PRSS16: variants seen among roughly 807,000 people sequenced by gnomAD.
PRSS16 encodes thymus-specific serine protease.
Under a neutral mutation model 61.7 loss-of-function variants are expected in PRSS16, and 43 were observed. The ratio of observed to expected loss-of-function variants is 0.70; its 90% CI spans 0.55 to 0.90. The LOEUF is 0.90. PRSS16 is among the 40% of genes least tolerant of loss of function. The pLI is 0.00. For synonymous variants in PRSS16, 273 were observed against 285.2 expected (o/e 0.96, Z 0.43); for missense variants, 591 against 659.1 (o/e 0.90, Z 1.13).
At position 27,251,083 on chromosome 6, in the gene PRSS16, G is replaced by C. The variant is rs761940273; in HGVS notation, c.633G>C (p.Pro211=). The C allele has an allele frequency of 6.2e-6, 10 of 1,613,950 alleles. No homozygotes were observed. Among genetic ancestry groups the C allele is most frequent in the South Asian group, 1.1e-5 (1 of 91,090 alleles). ...TCGCGTCGGTCGCCTCCTCCGCCCC[G>C]GTGCGGGCCGTGCTGGATTTCTCCG... ...LIFASVASSA[P]VRAVLDFSEY... The change falls in exon 6 of 12, where the codon CCG becomes CCC. Residue 211 remains proline (P), a synonymous_variant. Coordinates refer to ENST00000230582, the MANE Select transcript of PRSS16 (RefSeq NM_005865.4). The surrounding 1 kb of genome is among the most constrained non-coding windows in gnomAD (Gnocchi z 5.6).
At position 27,255,412 on chromosome 6, in the gene PRSS16, C is replaced by A; in HGVS notation, c.*97C>A. 1 of 1,292,284 alleles carries A rather than the reference C, an allele frequency of 7.7e-7. No homozygotes were observed. Among genetic ancestry groups the A allele is most frequent in the South Asian group, 1.4e-5 (1 of 72,570 alleles). The allele number at this position is 1,292,284 out of a possible 1,614,324, so 80.1% of individuals were successfully genotyped here. A position where few individuals can be genotyped will look rare whatever the true frequency, so the allele number is the denominator to read the frequency against. ...GCAGCTTGTTTTGAAAGAAGAAACTCCCAGGAATTGGAATTCAGCACCTGT... is the reference window on the plus strand; with the variant it reads ...GCAGCTTGTTTTGAAAGAAGAAACTACCAGGAATTGGAATTCAGCACCTGT... On this transcript the variant is annotated 3_prime_UTR_variant, in exon 12 of 12. Coordinates refer to ENST00000230582, the MANE Select transcript of PRSS16 (RefSeq NM_005865.4). This position sits in a 1 kb window ranked among gnomAD's most constrained non-coding sequence, Gnocchi z 4.4.
rs755382799 is a variant in PRSS16 at position 27,247,720 on chromosome 6, A to C, written c.-18A>C. On this transcript the variant is annotated 5_prime_UTR_variant, in exon 1 of 12. Coordinates refer to ENST00000230582, the MANE Select transcript of PRSS16 (RefSeq NM_005865.4). ...TAAGATAAAGGTCCTCCTGGGGGAG[A>C]ACAGAGTCCCGAACACCATGGCCGT... 1.2e-5 allele frequency: 18 copies of C among 1,557,140 alleles called. No individual in the cohort carries two copies. In the South Asian group the frequency reaches 1.5e-4, roughly 13 times the overall value.
At position 27,251,618 on chromosome 6, in the gene PRSS16, C is replaced by CGGGGGCCTGGGT; in HGVS notation, c.718-132_718-131insGGGGGCCTGGGT. 1.9e-6 allele frequency: 2 copies of CGGGGGCCTGGGT among 1,025,824 alleles called. No individual in the cohort carries two copies. The highest frequency in any genetic ancestry group is 2.7e-6 in the Non-Finnish European group (2 of 742,330). 63.5% of individuals were successfully genotyped at this position (1,025,824 alleles called of 1,614,324 possible). On this transcript the variant is annotated intron_variant, in intron 7 of 11. Transcript: ENST00000230582. This position sits in a 1 kb window ranked among gnomAD's most constrained non-coding sequence, Gnocchi z 5.6. ...GGGGGCCTGGGGGCGGGGGCCTGGG[C>CGGGGGCCTGGGT]CAAGAGCTAGGTCTGCACCCTCTGA...
At chr6:27,250,833 G>C (rs776643284) in intron 5 of PRSS16, 27 bp downstream of exon 5, 4 of 1,590,116 alleles carry the variant, frequency 2.5e-6, no homozygotes, top group East Asian at 2.2e-5. Context: ...GGGTGGGCTG[G>C]GGGGAGGGAA....
chr6:27,254,994 G>T lies in PRSS16; in HGVS notation c.1339G>T (p.Asp447Tyr), dbSNP rs1018891407. The T allele has an allele frequency of 9.3e-6, 15 of 1,613,048 alleles. No individual in the cohort carries two copies. Among genetic ancestry groups the T allele is most frequent in the Non-Finnish European group, 1.2e-5 (14 of 1,179,194 alleles). Residue 447 changes from aspartate (D) to tyrosine (Y), a missense_variant, in exon 11 of 12, where the codon GAC becomes TAC. Coordinates refer to ENST00000230582, the MANE Select transcript of PRSS16 (RefSeq NM_005865.4). ...CTATCCTTTCTTTCCAGGGGACACA[G>T]ACCCCTGGCATGTGCTAAGTGTAAC... ...NKVLFVNGDT[D>Y]PWHVLSVTQA... is the part of the protein sequence containing the mutation.
At position 27,252,395 on chromosome 6, in the gene PRSS16, C is replaced by T. The variant is rs931158889; in HGVS notation, c.1008+355C>T. 23 of 375,854 alleles carry T rather than the reference C, an allele frequency of 6.1e-5. No individual in the cohort carries two copies. The highest frequency in any genetic ancestry group is 4.4e-4 in the African/African-American group (21 of 48,236). 23.3% of individuals were successfully genotyped at this position (375,854 alleles called of 1,614,324 possible). ...AAATGTTATCTCTGGGGATAGGGTTCTCCTAGGTACCTGGGACTGCAGCCT... is the reference window on the plus strand; with the variant it reads ...AAATGTTATCTCTGGGGATAGGGTTTTCCTAGGTACCTGGGACTGCAGCCT... On this transcript the variant is annotated intron_variant, in intron 8 of 11. Transcript: ENST00000230582. This position sits in a 1 kb window ranked among gnomAD's most constrained non-coding sequence, Gnocchi z 4.2.
At chr6:27,248,261 T>C (rs1049758088) in intron 2 of PRSS16, among the ~76,000 whole-genome samples, 1 of 151,986 alleles carries the variant, frequency 6.6e-6, no homozygotes, top group Non-Finnish European at 1.5e-5. Flanking sequence ...CCACTCGTTT[T>C]GTCCCTCAGA....
rs540337934 is a variant in PRSS16 at position 27,250,374 on chromosome 6, C to T, written c.468-309C>T. ...CCTCCTTGAGTGCCCTCAACCCTTCCCTACATTTGTCAGGTTTTCATCTAA... is the reference window on the plus strand; with the variant it reads ...CCTCCTTGAGTGCCCTCAACCCTTCTCTACATTTGTCAGGTTTTCATCTAA... On this transcript the variant is annotated intron_variant, in intron 4 of 11. Coordinates refer to ENST00000230582, the MANE Select transcript of PRSS16 (RefSeq NM_005865.4). 2.6e-5 allele frequency among the ~76,000 whole-genome samples: 4 copies of T among 152,296 alleles called. No homozygotes were observed. The South Asian group carries it at 8.3e-4, about 32-fold the overall frequency.
chr6:27,249,318 G>A, intron 4 of PRSS16, 89 bp downstream of exon 4: 1 of 1,469,090 alleles, frequency 6.8e-7, no homozygotes, highest in Non-Finnish European at 9.2e-7. Context: ...CTCCTCCACT[G>A]TCTGAAGTCA....
Position 27,255,126 on chromosome 6 carries a change from C to A in PRSS16, c.1471C>A (p.Arg491Ser). 6.2e-7 allele frequency: 1 copy of A among 1,614,128 alleles called. No individual in the cohort carries two copies. The highest frequency in any genetic ancestry group is 8.5e-7 in the Non-Finnish European group (1 of 1,180,006). ...AGACTCCCCCAGCCTCCGCCTAGGG[C>A]GCCAGGTAAGAGAAAAAAGGCTCTG... ...PSDSPSLRLGRQNIFQQLQTW... is the reference protein window; with the variant it reads ...PSDSPSLRLGSQNIFQQLQTW... Residue 491 changes from arginine (R) to serine (S), a missense_variant, in exon 11 of 12, where the codon CGC (arginine) becomes AGC (serine). Physicochemically the swap from Arg to Ser is moderately radical, Grantham distance 110. Coordinates refer to ENST00000230582, the MANE Select transcript of PRSS16 (RefSeq NM_005865.4). The surrounding 1 kb of genome is among the most constrained non-coding windows in gnomAD (Gnocchi z 4.4).
Position 27,247,796 on chromosome 6 carries a change from T to C in PRSS16, c.59T>C (p.Leu20Pro), listed in dbSNP as rs750569506. The change falls in exon 1 of 12, where the codon CTC becomes CCC. Residue 20 changes from leucine to proline, a missense_variant. By Grantham distance (98) the Leu-to-Pro change is moderately conservative (BLOSUM62 -3). Transcript: ENST00000230582. ...GPLLLVSLWGLLAPASLLRRL... is the reference protein window; with the variant it reads ...GPLLLVSLWGPLAPASLLRRL... ...CTGCTCTTGGTTTCCCTCTGGGGAC[T>C]CTTGGCTCCAGGTAAGAGGAGGCTG... 8.1e-6 allele frequency: 13 copies of C among 1,610,710 alleles called. No individual in the cohort carries two copies. In the African/African-American group the frequency reaches 9.4e-5, roughly 12 times the overall value.
In PRSS16 at chr6:27,251,710, A is replaced by C; in HGVS notation, c.718-40A>C. On this transcript the variant is annotated intron_variant, in intron 7 of 11. Coordinates refer to ENST00000230582, the MANE Select transcript of PRSS16 (RefSeq NM_005865.4). The surrounding 1 kb of genome is among the most constrained non-coding windows in gnomAD (Gnocchi z 5.6). ...TCCTGGGTAGGGAAAGCCGAGGCCCAGCCTAAGTCTTGGCGGACATCGCCT... is the reference window on the plus strand; with the variant it reads ...TCCTGGGTAGGGAAAGCCGAGGCCCCGCCTAAGTCTTGGCGGACATCGCCT... 2 of 1,558,628 alleles carry C rather than the reference A, an allele frequency of 1.3e-6. No homozygotes were observed. Among genetic ancestry groups the C allele is most frequent in the Non-Finnish European group, 1.7e-6 (2 of 1,163,852 alleles).
Position 27,248,836 on chromosome 6 carries a change from C to T in PRSS16, c.238-11C>T. 1 of 1,570,362 alleles carries T rather than the reference C, an allele frequency of 6.4e-7. No homozygotes were observed. Among genetic ancestry groups the T allele is most frequent in the Non-Finnish European group, 8.7e-7 (1 of 1,150,550 alleles). On this transcript the variant is annotated splice_polypyrimidine_tract_variant and intron_variant, in intron 2 of 11. Transcript: ENST00000230582. ...ACAGTGCCATTTCTTCTTCCCCATC[C>T]CACCTCTCAGCGTTACTGGGTGAAT...
chr6:27,255,049 T>C lies in PRSS16; in HGVS notation c.1394T>C (p.Leu465Pro). 1 of 1,614,082 alleles carries C rather than the reference T, an allele frequency of 6.2e-7. No individual in the cohort carries two copies. ...TQALGSSEST[L>P]LIRTGSHCLD... ...GCTTTAGGATCCTCAGAATCAACTC[T>C]TCTTATCCGCACTGGCTCCCACTGC... The change falls in exon 11 of 12, where the codon CTT becomes CCT. Residue 465 changes from leucine to proline, a missense_variant. Physicochemically the swap from Leu to Pro is moderately conservative, Grantham distance 98. Transcript: ENST00000230582. This position sits in a 1 kb window ranked among gnomAD's most constrained non-coding sequence, Gnocchi z 4.4.
At position 27,256,508 on chromosome 6, in the gene PRSS16, A is replaced by G. The variant is rs1760032838; in HGVS notation, c.*1193A>G. ...GTTTTAGAGTTTTATCCAGTTTCAT[A>G]TTTCCTTGTGGGTAAGAGGCAACCT... On this transcript the variant is annotated 3_prime_UTR_variant, in exon 12 of 12. Transcript: ENST00000230582. The G allele has an allele frequency of 6.6e-6, 1 of 152,538 alleles. No individual in the cohort carries two copies. Among genetic ancestry groups the G allele is most frequent in the South Asian group, 2.1e-4 (1 of 4,834 alleles). The allele number at this position is 152,538 out of a possible 1,614,324, so 9.4% of individuals were successfully genotyped here. A position where few individuals can be genotyped will look rare whatever the true frequency, so the allele number is the denominator to read the frequency against.
chr6:27,251,026 GCGTC>G lies in PRSS16; in HGVS notation c.592-15_592-12del, dbSNP rs1419767543. 1 of 1,613,212 alleles carries G rather than the reference GCGTC, an allele frequency of 6.2e-7. No homozygotes were observed. Among genetic ancestry groups the G allele is most frequent in the African/African-American group, 1.3e-5 (1 of 74,942 alleles). ...CAACCCCTCAGCCCGCAGGCTGACG[GCGTC>G]TCCTCCCTTAGTTCCCCCATCTCAT... On this transcript the variant is annotated splice_polypyrimidine_tract_variant and intron_variant, in intron 5 of 11. Coordinates refer to ENST00000230582, the MANE Select transcript of PRSS16 (RefSeq NM_005865.4). The surrounding 1 kb of genome is among the most constrained non-coding windows in gnomAD (Gnocchi z 5.6).
At chr6:27,249,051 C>T in intron 3 of PRSS16, 49 bp from the exon 4 acceptor site, 2 of 1,432,300 alleles carry the variant, frequency 1.4e-6, no homozygotes, top group Non-Finnish European at 2.0e-6. Flanking sequence ...AGGGCTTAAA[C>T]TCAACTTGCA....
chr6:27,253,415 C>A, intron 9 of PRSS16: 1 of 399,850 alleles, frequency 2.5e-6, no homozygotes, highest in Non-Finnish European at 4.9e-6. Flanking sequence ...GATCCCTTCC[C>A]AGCCGCTTCT....
Position 27,247,882 on chromosome 6 carries a change from C to T in PRSS16, c.71C>T (p.Ala24Val), listed in dbSNP as rs768694743. 1.2e-6 allele frequency: 2 copies of T among 1,610,222 alleles called. No individual in the cohort carries two copies. Among genetic ancestry groups the T allele is most frequent in the Non-Finnish European group, 1.7e-6 (2 of 1,178,206 alleles). Residue 24 changes from alanine to valine, a missense_variant and splice_region_variant, in exon 2 of 12, where the codon GCC becomes GTC. By Grantham distance (64) the Ala-to-Val change is moderately conservative. Coordinates refer to ENST00000230582, the MANE Select transcript of PRSS16 (RefSeq NM_005865.4). ...LVSLWGLLAP[A>V]SLLRRLGEHI... ...ACTTCCTTCCCTCCATGTCCCACAGCCTCCCTTCTTAGGCGCCTGGGTGAG... is the reference window on the plus strand; with the variant it reads ...ACTTCCTTCCCTCCATGTCCCACAGTCTCCCTTCTTAGGCGCCTGGGTGAG...
Sources: gnomAD v4.1 joint callset for allele counts (sites outside exome capture counted in the v4.1 genomes callset) on GRCh38, gnomAD v4.1.1 for gene constraint, Gnocchi (gnomAD v3.1) non-coding constraint, MANE v1.5 for transcripts, NCBI Gene and HGNC (gene_info 2026-07-23, HGNC 2026-07-21) for gene names.